Variants in HEPHL1 observed in about 807,000 individuals in gnomAD.
HEPHL1 encodes hephaestin like 1.
A neutral mutation model predicts 122.0 loss-of-function variants in HEPHL1; 123 were observed. The observed-to-expected ratio is 1.01, with a 90% CI of 0.87 to 1.17. The LOEUF (loss-of-function observed/expected upper bound fraction) is 1.17, where lower values mean the gene tolerates loss of function less well. Among genes scored for constraint, HEPHL1 ranks in the 50% most tolerant of loss-of-function variants. The probability of loss-of-function intolerance (pLI) is 0.00; values close to 1 mark genes in which losing one functional copy is unlikely to be tolerated. For synonymous variants in HEPHL1, 527 were observed against 508.9 expected (o/e 1.04, Z -0.48); for missense variants, 1,452 against 1,430.5 (o/e 1.01, Z -0.24).
chr11:94,044,520 A>G (rs1165371520), intron 1 of HEPHL1, among the ~76,000 whole-genome samples: 1 of 152,138 alleles, frequency 6.6e-6, no homozygotes, highest in East Asian at 1.9e-4. Flanking sequence ...ACCCGGAATT[A>G]AACTTGTCAG....
At chr11:94,048,674 T>G (rs916690441) in intron 2 of HEPHL1, among the ~76,000 whole-genome samples, 2 of 152,126 alleles carry the variant, frequency 1.3e-5, no homozygotes, top group Non-Finnish European at 2.9e-5. Flanking sequence ...TGGACAAAAT[T>G]TTGAACCCAC....
At chr11:94,080,076 T>C in intron 9 of HEPHL1, among the ~76,000 whole-genome samples, 1 of 152,178 alleles carries the variant, frequency 6.6e-6, no homozygotes, top group East Asian at 1.9e-4. Context: ...CAAAACAGCA[T>C]TGTACTGATA....
rs71305380 is a variant in HEPHL1, at chr11:94,036,838, C to CAAAA, written c.171-8819_171-8816dup. Reference sequence around the variant, plus strand: ...TGGGCAACAGAGCAAGACTCCGTCTCAAAAAAAAAAAAAAAAAAAGGGAGG... The same window carrying CAAAA: ...TGGGCAACAGAGCAAGACTCCGTCTCAAAAAAAAAAAAAAAAAAAAAAAGGGAGG... On this transcript the variant is annotated intron_variant, in intron 1 of 19. Transcript: ENST00000315765. 6.7e-5 allele frequency among the ~76,000 whole-genome samples: 7 copies of CAAAA among 103,862 alleles called. 1 individual carries two copies. Among genetic ancestry groups the CAAAA allele is most frequent in the Non-Finnish European group, 3.9e-5 (2 of 51,628 alleles). The allele number at this position is 103,862 out of a possible 152,430, so 68.1% of individuals were successfully genotyped here.
intron 2 of HEPHL1, among the ~76,000 whole-genome samples, chr11:94,053,890 A>AT (rs1272783366): frequency 6.6e-6 from 1 of 152,232 alleles, no homozygotes; most frequent in Non-Finnish European, 1.5e-5. Context: ...ATTCTGGAGA[A>AT]TCATCCATGT....
chr11:94,094,496 C>A (rs191561769), intron 13 of HEPHL1, among the ~76,000 whole-genome samples: 2 of 152,066 alleles, frequency 1.3e-5, no homozygotes, highest in East Asian at 3.9e-4. Flanking sequence ...TGATTTATAA[C>A]CCTTTGGGTA....
intron 2 of HEPHL1, among the ~76,000 whole-genome samples, chr11:94,057,331 T>C (rs943413333): frequency 1.5e-4 from 23 of 152,142 alleles, no homozygotes; most frequent in African/African-American, 5.3e-4. Flanking sequence ...GGCCATTATT[T>C]CTTCAAATAT....
At chr11:94,036,097 C>T (rs1301999181) in intron 1 of HEPHL1, among the ~76,000 whole-genome samples, 6 of 152,142 alleles carry the variant, frequency 3.9e-5, no homozygotes, top group African/African-American at 1.4e-4. Flanking sequence ...CACTGAAATG[C>T]CTGAAGTTCA....
In HEPHL1 at chr11:94,082,462, T is replaced by C. The variant is rs781659074; in HGVS notation, c.1761T>C (p.Asp587=). 2.6e-5 allele frequency: 42 copies of C among 1,612,480 alleles called. 1 individual carries two copies. In the South Asian group the frequency reaches 4.5e-4, roughly 17 times the overall value. The change falls in exon 10 of 20, where the codon GAT becomes GAC. Residue 587 remains aspartate (D), a synonymous_variant. Transcript: ENST00000315765. ...KEFYLLFTVF[D]ENLSRYFDEN... is the part of the protein sequence containing the mutation. ...TTTACCTACTGTTCACAGTCTTTGA[T>C]GAGAATCTGAGCAGATATTTTGATG...
In HEPHL1 at chr11:94,113,640, C is replaced by T. The variant is rs1946469038; in HGVS notation, c.*1746C>T. On this transcript the variant is annotated 3_prime_UTR_variant, in exon 20 of 20. Transcript: ENST00000315765. ...TTATTTATTACCCACCTTAGTAAGA[C>T]AAGTTGTTCAGTTGTTTTTTTTTCT... 1 of 152,060 alleles carries T rather than the reference C, an allele frequency of 6.6e-6. No individual in the cohort carries two copies. Among genetic ancestry groups the T allele is most frequent in the East Asian group, 1.9e-4 (1 of 5,178 alleles). The allele number at this position is 152,060 out of a possible 1,614,324, so 9.4% of individuals were successfully genotyped here. A position where few individuals can be genotyped will look rare whatever the true frequency, so the allele number is the denominator to read the frequency against.
rs780039834 is a variant in HEPHL1, at chr11:94,088,839, G to A, written c.2165G>A (p.Arg722Lys). 2.1e-5 allele frequency: 34 copies of A among 1,613,886 alleles called. No individual in the cohort carries two copies. Among genetic ancestry groups the A allele is most frequent in the Non-Finnish European group, 2.7e-5 (32 of 1,179,892 alleles). Residue 722 changes from arginine to lysine, a missense_variant, in exon 12 of 20, where the codon AGG (arginine) becomes AAG (lysine). By Grantham distance (26) the Arg-to-Lys change is conservative (BLOSUM62 2). Coordinates refer to ENST00000315765, the MANE Select transcript of HEPHL1 (RefSeq NM_001098672.2). Reference protein sequence around the residue: ...QIYEVSSCDNRDPSEQRYGMI... With the variant: ...QIYEVSSCDNKDPSEQRYGMI... Reference sequence around the variant, plus strand: ...TATGAGGTCAGCAGCTGTGACAACAGGGACCCTTCTGAGCAGCGGTACGGG... The same window carrying A: ...TATGAGGTCAGCAGCTGTGACAACAAGGACCCTTCTGAGCAGCGGTACGGG...
chr11:94,095,796 G>T (rs1946306743), intron 13 of HEPHL1, among the ~76,000 whole-genome samples: 1 of 151,852 alleles, frequency 6.6e-6, no homozygotes, highest in South Asian at 2.1e-4. Context: ...TTGTGAATGG[G>T]AGTTCATGAT....
intron 1 of HEPHL1, among the ~76,000 whole-genome samples, chr11:94,022,595 G>A (rs1945591732): frequency 6.6e-6 from 1 of 152,232 alleles, no homozygotes; most frequent in African/African-American, 2.4e-5. Flanking sequence ...GTATAGTCAT[G>A]TTTTGTTTAC....
At position 94,021,540 on chromosome 11, in the gene HEPHL1, TGA is replaced by T; in HGVS notation, c.170+4_170+5del. On this transcript the variant is annotated splice_donor_region_variant and intron_variant, in intron 1 of 19. Transcript: ENST00000315765. ...TGGGAAAAGTTTCACAGAAGACAAG[TGA>T]GTGAACTTAGGGTCCTCATTGACTC... is the stretch of plus-strand genomic sequence containing the variant. 1 of 1,601,624 alleles carries T rather than the reference TGA, an allele frequency of 6.2e-7. No homozygotes were observed.
chr11:94,103,527 A>G (rs938799479), intron 15 of HEPHL1, among the ~76,000 whole-genome samples: 1 of 152,180 alleles, frequency 6.6e-6, no homozygotes, highest in Non-Finnish European at 1.5e-5. Context: ...AGGAGAAGAA[A>G]GTTCACTCTA....
At chr11:94,032,680 G>A (rs1034883483) in intron 1 of HEPHL1, among the ~76,000 whole-genome samples, 1 of 152,086 alleles carries the variant, frequency 6.6e-6, no homozygotes, top group African/African-American at 2.4e-5. Context: ...TAACCACCAG[G>A]TGATGGTCAG....
intron 17 of HEPHL1, among the ~76,000 whole-genome samples, chr11:94,109,569 T>C (rs1398018374): frequency 6.6e-6 from 1 of 152,232 alleles, no homozygotes; most frequent in Non-Finnish European, 1.5e-5. Context: ...TGTTAAATTC[T>C]ATCAAATGGT....
At chr11:94,022,486 C>T (rs1266886500) in intron 1 of HEPHL1, among the ~76,000 whole-genome samples, 1 of 152,212 alleles carries the variant, frequency 6.6e-6, no homozygotes, top group Admixed American at 6.5e-5. Flanking sequence ...GGCCTACCAG[C>T]AAGTCTTTAA....
intron 13 of HEPHL1, among the ~76,000 whole-genome samples, chr11:94,097,846 C>T (rs945017244): frequency 2.6e-5 from 4 of 151,426 alleles, no homozygotes; most frequent in African/African-American, 4.8e-5. Context: ...CAACCCCTGC[C>T]TTTTTGTTTT....
In HEPHL1 at chr11:94,067,476, T is replaced by C. The variant is rs1387754602; in HGVS notation, c.809-20T>C. The C allele has an allele frequency of 3.7e-6, 6 of 1,609,724 alleles. No individual in the cohort carries two copies. The highest frequency in any genetic ancestry group is 1.3e-5 in the African/African-American group (1 of 74,940). Reference sequence around the variant, plus strand: ...GCCTCTGCAGGGGAGTCTCTTCCACTAGCGTGTTTCTGTTTCCAGCCCTCA... The same window carrying C: ...GCCTCTGCAGGGGAGTCTCTTCCACCAGCGTGTTTCTGTTTCCAGCCCTCA... On this transcript the variant is annotated intron_variant, in intron 4 of 19. Transcript: ENST00000315765.
Sources: allele counts gnomAD v4.1 joint callset (sites outside exome capture counted in the v4.1 genomes callset), GRCh38; gene constraint gnomAD v4.1.1; transcripts MANE v1.5; gene names NCBI Gene and HGNC (gene_info 2026-07-23, HGNC 2026-07-21).